SYTL2: variants seen among roughly 807,000 people sequenced by gnomAD.
SYTL2 encodes synaptotagmin-like protein 2.
SYTL2 carries 165 observed loss-of-function variants against 198.7 expected under a neutral mutation model. That is an observed-to-expected ratio of 0.83 (90% CI 0.73 to 0.94). The LOEUF is 0.94. Ranked by LOEUF, SYTL2 falls within the 40% of genes least tolerant of loss-of-function variation. SYTL2 has a pLI of 0.00. For synonymous variants in SYTL2, 966 were observed against 917.7 expected (o/e 1.05, Z -0.95); for missense variants, 2,835 against 2,582.8 (o/e 1.10, Z -2.12).
chr11:85,756,129 G>C (rs1485223520), intron 2 of SYTL2, among the ~76,000 whole-genome samples: 1 of 152,186 alleles, frequency 6.6e-6, no homozygotes, highest in East Asian at 1.9e-4. Context: ...AAGAACATAA[G>C]AGGATAACAT....
intron 2 of SYTL2, among the ~76,000 whole-genome samples, chr11:85,757,152 T>C (rs1487539131): frequency 6.6e-6 from 1 of 152,206 alleles, no homozygotes; most frequent in Non-Finnish European, 1.5e-5. Context: ...GAGAATACTT[T>C]CAGTTGCCAT....
chr11:85,773,401 G>T (rs2092395247), intron 1 of SYTL2, among the ~76,000 whole-genome samples: 2 of 152,182 alleles, frequency 1.3e-5, no homozygotes, highest in Non-Finnish European at 2.9e-5. Flanking sequence ...TGCCTGCAAG[G>T]TCTTTCTCCA....
chr11:85,846,423 G>C, the SYTL2 span, among the ~76,000 whole-genome samples: 1 of 151,926 alleles, frequency 6.6e-6, no homozygotes, highest in Non-Finnish European at 1.5e-5. Flanking sequence ...TTTTGTTGTT[G>C]TTTCATTTCG....
chr11:85,759,974 T>C (rs114584081), intron 1 of SYTL2, among the ~76,000 whole-genome samples: 1 of 152,334 alleles, frequency 6.6e-6, no homozygotes, highest in African/African-American at 2.4e-5. Context: ...ACTATCATGT[T>C]CCCACCAGAG....
In SYTL2 at chr11:85,698,033, T is replaced by G. The variant is rs2083669195; in HGVS notation, c.6314A>C (p.Glu2105Ala). Reference sequence around the variant, plus strand: ...CCTTAGCAGTGGTAGATCAAGGCATTCCTTCACCCAGATGTGCACTTCTCC... The same window carrying G: ...CCTTAGCAGTGGTAGATCAAGGCATGCCTTCACCCAGATGTGCACTTCTCC... Reference protein sequence around the residue: ...TTGEVHIWVKECLDLPLLRGS... With the variant: ...TTGEVHIWVKACLDLPLLRGS... Residue 2105 changes from glutamate (E) to alanine (A), a missense_variant, in exon 18 of 20, where the codon GAA becomes GCA. By Grantham distance (107) the Glu-to-Ala change is moderately radical (BLOSUM62 -1). Around this residue, in one of 3 missense-constraint regions of SYTL2, gnomAD observed 185 missense variants for 182.1 expected, o/e 1.02. Transcript: ENST00000359152. 1.2e-6 allele frequency: 2 copies of G among 1,613,956 alleles called. No homozygotes were observed. The highest frequency in any genetic ancestry group is 8.5e-7 in the Non-Finnish European group (1 of 1,179,888).
chr11:85,727,195 T>C lies in SYTL2; in HGVS notation c.2163A>G (p.Lys721=), dbSNP rs1464305082. The C allele has an allele frequency of 2.0e-6, 3 of 1,536,430 alleles. No individual in the cohort carries two copies. Among genetic ancestry groups the C allele is most frequent in the Admixed American group, 2.0e-5 (1 of 50,980 alleles). Residue 721 remains lysine, a synonymous_variant, in exon 8 of 20, where the codon AAA becomes AAG. Transcript: ENST00000359152. ...TCATGTTATCTTTCAAACCTGGTTC[T>C]TTGACAACTGTTGAAGAGTCAAAAT... ...EVNFDSSTVV[K]EPGLKDNMNA... is the part of the protein sequence containing the mutation.
intron 1 of SYTL2, among the ~76,000 whole-genome samples, chr11:85,794,741 G>A (rs1204404116): frequency 6.6e-6 from 1 of 152,164 alleles, no homozygotes; most frequent in African/African-American, 2.4e-5. Context: ...CAGGAAGTAA[G>A]TCTCAAACAT....
chr11:85,772,803 G>A (rs762518955), intron 1 of SYTL2, among the ~76,000 whole-genome samples: 1 of 152,196 alleles, frequency 6.6e-6, no homozygotes, highest in Non-Finnish European at 1.5e-5. Flanking sequence ...GCCTTTTGGA[G>A]AAAAACAGCT....
the SYTL2 span, chr11:85,852,915 G>A: frequency 2.4e-4 from 73 of 300,516 alleles, no homozygotes; most frequent in Admixed American, 7.0e-4. Flanking sequence ...CCGCGACCCC[G>A]TCTGGGAGGT....
rs757709606 is a variant in SYTL2 at position 85,726,600 on chromosome 11, A to C, written c.2758T>G (p.Leu920Val). 1.3e-6 allele frequency: 2 copies of C among 1,557,612 alleles called. No homozygotes were observed. The change falls in exon 8 of 20, where the codon TTG becomes GTG. Residue 920 changes from leucine to valine, a missense_variant. Around this residue, in one of 3 missense-constraint regions of SYTL2, gnomAD observed 2,645 missense variants for 2,381.7 expected, o/e 1.11. Transcript: ENST00000359152. Reference protein sequence around the residue: ...PIKRSQVADSLPSRRNITLPA... With the variant: ...PIKRSQVADSVPSRRNITLPA... ...AAAGTAATGTTTCTTCTAGAAGGCA[A>C]ACTGTCTGCCACTTGTGATCTTTTT...
At chr11:85,802,220 C>CTTTTTTTTTTTTT (rs5793172) in intron 1 of SYTL2, among the ~76,000 whole-genome samples, 4 of 122,562 alleles carry the variant, frequency 3.3e-5, no homozygotes, top group Non-Finnish European at 4.9e-5. Context: ...TTTTTCTTTT[C>CTTTTTTTTTTTTT]TTTTTTTTTT....
the SYTL2 span, among the ~76,000 whole-genome samples, chr11:85,849,171 T>C: frequency 6.6e-6 from 1 of 152,368 alleles, no homozygotes; most frequent in Admixed American, 6.5e-5. Context: ...TTTGAGTTCA[T>C]TGTAGATTCT....
At chr11:85,811,480 C>T (rs991431166), upstream of SYTL2, among the ~76,000 whole-genome samples, 1 of 152,108 alleles carries the variant, frequency 6.6e-6, no homozygotes, top group Non-Finnish European at 1.5e-5. Context: ...GGCCTTGGAG[C>T]CCGAGAGTGT....
At chr11:85,712,353 C>T (rs1195617308) in intron 12 of SYTL2, among the ~76,000 whole-genome samples, 2 of 152,160 alleles carry the variant, frequency 1.3e-5, no homozygotes, top group African/African-American at 4.8e-5. Context: ...CTGCATTCTA[C>T]CTAGTATATC....
intron 3 of SYTL2, 46 bp downstream of exon 3, chr11:85,748,226 T>G (rs1275734704): frequency 6.3e-7 from 1 of 1,591,364 alleles, no homozygotes; most frequent in Non-Finnish European, 8.6e-7. Context: ...CGCTCCTCCT[T>G]CCCAAACGAA....
intron 3 of SYTL2, among the ~76,000 whole-genome samples, chr11:85,746,890 C>T (rs954396224): frequency 5.9e-5 from 9 of 152,184 alleles, no homozygotes; most frequent in African/African-American, 1.4e-4. Flanking sequence ...TACATAATCT[C>T]GGGCAAGTTA....
intron 14 of SYTL2, among the ~76,000 whole-genome samples, chr11:85,708,789 T>C (rs1479518527): frequency 6.6e-6 from 1 of 150,972 alleles, no homozygotes; most frequent in South Asian, 2.1e-4. Flanking sequence ...CTGAACAAGA[T>C]GACCCCAAAG....
At chr11:85,705,063 A>C (rs1190368260) in intron 15 of SYTL2, 35 bp from the exon 16 acceptor site, 1 of 1,527,198 alleles carries the variant, frequency 6.5e-7, no homozygotes, top group Middle Eastern at 1.7e-4. Flanking sequence ...ATGATGAAAA[A>C]CATTACTTGA....
At chr11:85,751,075 C>G (rs540689002) in intron 2 of SYTL2, among the ~76,000 whole-genome samples, 4 of 152,282 alleles carry the variant, frequency 2.6e-5, no homozygotes, top group Admixed American at 2.6e-4. Flanking sequence ...CTCCCTGAAA[C>G]ACATGGTCCC....
Sources: allele counts gnomAD v4.1 joint callset (sites outside exome capture counted in the v4.1 genomes callset), GRCh38; gene constraint gnomAD v4.1.1; regional missense constraint gnomAD v4.1.1; transcripts MANE v1.5; gene names NCBI Gene and HGNC (gene_info 2026-07-23, HGNC 2026-07-21).